Variants in DTNA observed in about 807,000 individuals in gnomAD.
The protein encoded by DTNA is dystrophin-related protein 3.
In DTNA, 43 loss-of-function variants were observed where a neutral mutation model predicts 100.7. The observed-to-expected ratio is 0.43, with a 90% CI of 0.33 to 0.55. The LOEUF (loss-of-function observed/expected upper bound fraction) is 0.55, where lower values mean the gene tolerates loss of function less well. Among genes scored for constraint, DTNA ranks in the 20% least tolerant of loss-of-function variants. DTNA has a pLI of 0.04. For missense variants in DTNA, 798 were observed against 953.9 expected (o/e 0.84, Z 2.15); for synonymous variants, 349 against 347.9 (o/e 1.00, Z -0.04).
At chr18:34,501,517 A>T (rs1216767236) in intron 1 of DTNA, among the ~76,000 whole-genome samples, 4 of 152,196 alleles carry the variant, frequency 2.6e-5, no homozygotes, top group African/African-American at 9.7e-5. Flanking sequence ...TTTCTGAAAG[A>T]GATTACATAG....
At chr18:34,847,868 C>T (rs1191452144) in intron 13 of DTNA, among the ~76,000 whole-genome samples, 1 of 152,160 alleles carries the variant, frequency 6.6e-6, no homozygotes, top group Non-Finnish European at 1.5e-5. Context: ...AATGTAATAC[C>T]AGCAGGTAGG....
intron 1 of DTNA, among the ~76,000 whole-genome samples, chr18:34,691,331 C>T (rs766130741): frequency 1.6e-4 from 24 of 152,142 alleles, no homozygotes; most frequent in Non-Finnish European, 3.1e-4. Flanking sequence ...TCAAATATGC[C>T]ATTGCTCCTT....
chr18:34,873,316 A>C (rs931011103), intron 17 of DTNA, among the ~76,000 whole-genome samples: 2 of 152,154 alleles, frequency 1.3e-5, no homozygotes, highest in African/African-American at 4.8e-5. Flanking sequence ...ACTCTGTCCA[A>C]CTTCCCTTCT....
intron 1 of DTNA, among the ~76,000 whole-genome samples, chr18:34,635,429 C>T (rs1362610168): frequency 6.6e-6 from 1 of 152,150 alleles, no homozygotes; most frequent in African/African-American, 2.4e-5. Context: ...TTAATAGGAA[C>T]CTCCACACTG....
intron 1 of DTNA, among the ~76,000 whole-genome samples, chr18:34,515,329 A>T (rs1291776216): frequency 6.6e-6 from 1 of 152,070 alleles, no homozygotes; most frequent in Non-Finnish European, 1.5e-5. Context: ...GTTGCTCAGG[A>T]AATCTGGGTC....
rs372483707 is a variant in DTNA at position 34,612,828 on chromosome 18, A to T, written c.-2+119314A>T. ...ATATTAATCTAAATGAAGATACTAT[A>T]CTCATTAGAATTAATCATGACTAGG... is the stretch of plus-strand genomic sequence containing the variant. On this transcript the variant is annotated intron_variant, in intron 1 of 19. Transcript: ENST00000283365. 1.2e-4 allele frequency among the ~76,000 whole-genome samples: 18 copies of T among 152,338 alleles called. No individual in the cohort carries two copies. The East Asian group carries it at 2.9e-3, about 25-fold the overall frequency.
At chr18:34,691,750 C>T (rs1254666999) in intron 1 of DTNA, among the ~76,000 whole-genome samples, 1 of 152,184 alleles carries the variant, frequency 6.6e-6, no homozygotes, top group East Asian at 1.9e-4. Context: ...GCTGATTCTT[C>T]TGCCTAGACA....
chr18:34,754,923 C>T (rs1387362928), intron 1 of DTNA, among the ~76,000 whole-genome samples: 1 of 152,114 alleles, frequency 6.6e-6, no homozygotes, highest in African/African-American at 2.4e-5. Flanking sequence ...AGCAAGTTAG[C>T]TTGGCATAGG....
intron 1 of DTNA, among the ~76,000 whole-genome samples, chr18:34,587,653 C>T (rs555566680): frequency 1.3e-5 from 2 of 152,182 alleles, no homozygotes; most frequent in Admixed American, 1.3e-4. Context: ...GAAATAGTGG[C>T]CCTTGGTGGT....
intron 1 of DTNA, among the ~76,000 whole-genome samples, chr18:34,535,451 C>T (rs2043604276): frequency 6.6e-6 from 1 of 151,690 alleles, no homozygotes; most frequent in Admixed American, 6.6e-5. Flanking sequence ...CTGCTTGTAC[C>T]CTCTGATGAT....
At chr18:34,495,911 A>T (rs953601258) in intron 1 of DTNA, among the ~76,000 whole-genome samples, 1 of 151,836 alleles carries the variant, frequency 6.6e-6, no homozygotes, top group Admixed American at 6.6e-5. Context: ...TAGAGCTTTC[A>T]CAATATTCAT....
chr18:34,591,087 G>A lies in DTNA; in HGVS notation c.-2+97573G>A, dbSNP rs1264973704. On this transcript the variant is annotated intron_variant, in intron 1 of 19. Transcript: ENST00000283365. ...ATTATTATAGTTTACTCATTACTGG[G>A]AAATATTAGCAAACCTAAACATTTC... is the stretch of plus-strand genomic sequence containing the variant. 2.0e-5 allele frequency among the ~76,000 whole-genome samples: 3 copies of A among 152,000 alleles called. No homozygotes were observed. In the South Asian group the frequency reaches 6.2e-4, roughly 32 times the overall value.
upstream of DTNA, among the ~76,000 whole-genome samples, chr18:34,707,128 C>T (rs1244735813): frequency 2.6e-5 from 4 of 152,150 alleles, no homozygotes; most frequent in East Asian, 1.9e-4. Flanking sequence ...AATTTAAGCG[C>T]GTGACTTCTG....
At chr18:34,703,645 G>T (rs1023718636) in intron 1 of DTNA, among the ~76,000 whole-genome samples, 1 of 152,294 alleles carries the variant, frequency 6.6e-6, no homozygotes, top group East Asian at 1.9e-4. Context: ...AATATCAGAT[G>T]TACAGTCCTT....
At chr18:34,887,677 A>G (rs1477728457) in intron 22 of DTNA, 89 bp from the exon 23 acceptor site, 8 of 965,928 alleles carry the variant, frequency 8.3e-6, no homozygotes, top group Non-Finnish European at 9.8e-6. Flanking sequence ...TTTCTTCTAT[A>G]TTGGGGAAAG....
At chr18:34,681,754 A>G (rs3910170) in intron 1 of DTNA, among the ~76,000 whole-genome samples, 23,009 of 151,394 alleles carry the variant, frequency 0.15, 3,123 homozygotes, top group African/African-American at 0.37. Flanking sequence ...CACCCTATGG[A>G]CATCCTCCAC....
intron 22 of DTNA, 110 bp from the exon 23 acceptor site, chr18:34,887,656 T>C (rs532050002): frequency 3.4e-4 from 259 of 750,798 alleles, no homozygotes; most frequent in African/African-American, 2.8e-3. Context: ...TGTGTGTGTG[T>C]GCGCGCGCAC....
chr18:34,753,304 C>G (rs1265487591), intron 1 of DTNA, among the ~76,000 whole-genome samples: 1 of 151,928 alleles, frequency 6.6e-6, no homozygotes, highest in East Asian at 1.9e-4. Context: ...CTGATATTTT[C>G]TGTCAGAGCT....
At chr18:34,761,695 G>A (rs2093181311) in intron 2 of DTNA, among the ~76,000 whole-genome samples, 1 of 152,196 alleles carries the variant, frequency 6.6e-6, no homozygotes, top group Non-Finnish European at 1.5e-5. Flanking sequence ...AGAGCACTAA[G>A]TTGCCTTAAA....
Sources: gnomAD v4.1 joint callset for allele counts (sites outside exome capture counted in the v4.1 genomes callset) on GRCh38, gnomAD v4.1.1 for gene constraint, MANE v1.5 for transcripts, NCBI Gene and HGNC (gene_info 2026-07-23, HGNC 2026-07-21) for gene names.